The following RPS2 variants were observed in gnomAD, a reference collection of about 807,000 sequenced individuals.
RPS2 encodes ribosomal protein S2, also known as small ribosomal subunit protein uS5.
Under a neutral mutation model 25.3 loss-of-function variants are expected in RPS2, and 8 were observed. That is an observed-to-expected ratio of 0.32 (90% confidence interval 0.19 to 0.57). The LOEUF (loss-of-function observed/expected upper bound fraction) is 0.57, where lower values mean the gene tolerates loss of function less well. Ranked by LOEUF, RPS2 falls within the 20% of genes least tolerant of loss-of-function variation. The pLI is 0.90. For synonymous variants in RPS2, 181 were observed against 161.3 expected, an observed-to-expected ratio of 1.12 and a Z score of -0.92; for missense variants, 229 against 408.1, an observed-to-expected ratio of 0.56 and a Z score of 3.78.
At position 1,962,652 on chromosome 16, in the gene RPS2, G is replaced by A; in HGVS notation, c.554C>T (p.Thr185Ile). ...TACCAGCACAGAGCCGCAGCGGCCT[G>A]TCACCTGGTGAGGGAAGGAGTCAGG... ...GKPHTVPCKV[T>I]GRCGSVLVRL... Residue 185 changes from threonine to isoleucine, a missense_variant, in exon 6 of 7, where the codon ACA (threonine) becomes ATA (isoleucine). Around this residue, in one of 7 missense-constraint regions of RPS2, gnomAD observed 79 missense variants for 159.0 expected, o/e 0.50. Coordinates refer to ENST00000343262, the MANE Select transcript of RPS2 (RefSeq NM_002952.4). 6.3e-7 allele frequency: 1 copy of A among 1,598,358 alleles called. No individual in the cohort carries two copies. Among genetic ancestry groups the A allele is most frequent in the Non-Finnish European group, 8.5e-7 (1 of 1,173,492 alleles).
intron 5 of RPS2, 38 bp downstream of exon 5, chr16:1,962,698 C>A (rs1374515723): frequency 3.1e-6 from 5 of 1,588,662 alleles, no homozygotes; most frequent in Admixed American, 1.8e-5. Flanking sequence ...CCGAGGGAGC[C>A]TGCCCCACGG....
chr16:1,962,476 C>T (rs1193143385), intron 6 of RPS2, 21 bp downstream of exon 6: 3 of 1,606,386 alleles, frequency 1.9e-6, no homozygotes, highest in South Asian at 2.2e-5. Context: ...CATGGCTATG[C>T]CCCATGTGTG....
At chr16:1,964,137 A>G (rs1397711153) in intron 3 of RPS2, 139 bp downstream of exon 3, 1 of 682,364 alleles carries the variant, frequency 1.5e-6, no homozygotes, top group Non-Finnish European at 2.6e-6. Context: ...CTCCTCAGCC[A>G]GCCCGCAACA....
At chr16:1,963,786 C>A in intron 3 of RPS2, 2 of 457,806 alleles carry the variant, frequency 4.4e-6, no homozygotes, top group Non-Finnish European at 4.4e-6. Context: ...GCTTTCCACT[C>A]AGATTTCCTT....
At chr16:1,964,725 C>G (rs893501408) in intron 1 of RPS2, 82 bp downstream of exon 1, 1 of 691,592 alleles carries the variant, frequency 1.4e-6, no homozygotes, top group Non-Finnish European at 2.3e-6. Flanking sequence ...GGAGCGCGGA[C>G]TCGGGAGCCT....
At chr16:1,964,728 G>C (rs1011083388) in intron 1 of RPS2, 79 bp downstream of exon 1, 2 of 680,580 alleles carry the variant, frequency 2.9e-6, no homozygotes, top group South Asian at 2.0e-5. Context: ...GCGCGGACTC[G>C]GGAGCCTAGA....
At position 1,963,019 on chromosome 16, in the gene RPS2, C is replaced by T. The variant is rs548811036; in HGVS notation, c.376-110G>A. ...AAGAGAGGCCACAGTAAGGCCCATC[C>T]GAGGTCCTGAGGAGATCTTTTCTCT... On this transcript the variant is annotated intron_variant, in intron 4 of 6. Coordinates refer to ENST00000343262, the MANE Select transcript of RPS2 (RefSeq NM_002952.4). 7.8e-6 allele frequency: 11 copies of T among 1,402,016 alleles called. No homozygotes were observed. The South Asian group carries it at 8.1e-5, about 10-fold the overall frequency. The allele number at this position is 1,402,016 out of a possible 1,614,324, so 86.8% of individuals were successfully genotyped here. A position where few individuals can be genotyped will look rare whatever the true frequency, so the allele number is the denominator to read the frequency against.
At chr16:1,962,440 C>T (rs1357687247) in intron 6 of RPS2, 57 bp downstream of exon 6, 13 of 1,516,344 alleles carry the variant, frequency 8.6e-6, no homozygotes, top group South Asian at 2.2e-5. Flanking sequence ...ACACTGGACC[C>T]GTGTGGTTAA....
rs771275104 is a variant in RPS2 at position 1,962,313 on chromosome 16, AG to A, written c.710-44del. 4 of 1,582,386 alleles carry A rather than the reference AG, an allele frequency of 2.5e-6. No individual in the cohort carries two copies. In the African/African-American group the frequency reaches 5.4e-5, roughly 21 times the overall value. On this transcript the variant is annotated intron_variant, in intron 6 of 6. Transcript: ENST00000343262. ...CCCAGGAGGGTCAGTGGTGTGCTTG[AG>A]GCAAGTCCCCCAACCCAAAAATTGT...
At chr16:1,962,460 A>C in intron 6 of RPS2, 37 bp downstream of exon 6, 1 of 1,596,334 alleles carries the variant, frequency 6.3e-7, no homozygotes, top group Non-Finnish European at 8.6e-7. Flanking sequence ...AGCGGAGCTG[A>C]GAGACCATGG....
At chr16:1,963,555 GCAGTGAGCC>G (rs1244846106) in intron 3 of RPS2, 16 of 360,502 alleles carry the variant, frequency 4.4e-5, no homozygotes, top group Non-Finnish European at 8.6e-5. Context: ...GGTGGAGGTT[GCAGTGAGCC>G]GAGATCACGC....
In RPS2 at chr16:1,962,799, G is replaced by A. The variant is rs199947835; in HGVS notation, c.486C>T (p.Ile162=). ...CCCAGTAGCCTCTGCGCACGGGGAC[G>A]ATGGAGAGCTTGGCCAGGATGATGG... ...RGAIILAKLS[I]VPVRRGYWGN... The change falls in exon 5 of 7, where the codon ATC becomes ATT. Residue 162 remains isoleucine (I), a synonymous_variant. Transcript: ENST00000343262. 1.1e-5 allele frequency: 18 copies of A among 1,611,498 alleles called. No homozygotes were observed. In the South Asian group the frequency reaches 1.3e-4, roughly 12 times the overall value.
chr16:1,964,169 G>C lies in RPS2; in HGVS notation c.267+107C>G, dbSNP rs184649211. On this transcript the variant is annotated intron_variant, in intron 3 of 6. Transcript: ENST00000343262. The stretch of plus-strand genomic sequence containing the variant: ...AACACAACCTCAACCTCTCACGCGA[G>C]ACGCTGGGCCCTTTAATGCGAGTCA... 7.4e-5 allele frequency: 62 copies of C among 834,524 alleles called. No individual in the cohort carries two copies. In the African/African-American group the frequency reaches 9.1e-4, roughly 12 times the overall value. The allele number at this position is 834,524 out of a possible 1,614,324, so 51.7% of individuals were successfully genotyped here.
At chr16:1,962,388 T>C in intron 6 of RPS2, 109 bp downstream of exon 6, 1 of 1,378,346 alleles carries the variant, frequency 7.3e-7, no homozygotes, top group East Asian at 2.3e-5. Flanking sequence ...TGTCGTGCAT[T>C]AGGAGAGCCT....
At chr16:1,963,558 G>A (rs2083277523) in intron 3 of RPS2, 2 of 359,992 alleles carry the variant, frequency 5.6e-6, no homozygotes, top group Admixed American at 7.8e-5. Context: ...GGAGGTTGCA[G>A]TGAGCCGAGA....
intron 3 of RPS2, 198 bp downstream of exon 3, chr16:1,964,078 G>A (rs1051026894): frequency 3.4e-6 from 2 of 589,658 alleles, no homozygotes; most frequent in South Asian, 2.1e-5. Flanking sequence ...AATGCCTTTT[G>A]TGGCTCTGGC....
intron 6 of RPS2, 95 bp from the exon 7 acceptor site, chr16:1,962,365 T>C (rs377477334): frequency 5.0e-6 from 7 of 1,388,512 alleles, no homozygotes; most frequent in African/African-American, 1.4e-5. Context: ...AGAGAGGCCA[T>C]TCTGGGCGGG....
rs1567317383 is a variant in RPS2, at chr16:1,963,036, CTT to C, written c.375+111_375+112del. The C allele has an allele frequency of 3.7e-6, 5 of 1,363,662 alleles. No homozygotes were observed. The East Asian group carries it at 6.9e-5, about 19-fold the overall frequency. The allele number at this position is 1,363,662 out of a possible 1,614,324, so 84.5% of individuals were successfully genotyped here. On this transcript the variant is annotated intron_variant, in intron 4 of 6. Coordinates refer to ENST00000343262, the MANE Select transcript of RPS2 (RefSeq NM_002952.4). ...GGCCCATCCGAGGTCCTGAGGAGAT[CTT>C]TTCTCTCTCTCCCCGTTACGAAAGT...
At chr16:1,964,205 C>G in intron 3 of RPS2, 71 bp downstream of exon 3, 1 of 1,149,158 alleles carries the variant, frequency 8.7e-7, no homozygotes, top group East Asian at 2.3e-5. Flanking sequence ...ATGGCAGATG[C>G]TAATCCTCCA....
Sources: gnomAD v4.1 joint callset for allele counts on GRCh38, gnomAD v4.1.1 for gene constraint, gnomAD v4.1.1 regional missense constraint, MANE v1.5 for transcripts, NCBI Gene and HGNC (gene_info 2026-07-23, HGNC 2026-07-21) for gene names.